The following PHC2 variants were observed in gnomAD, a reference collection of about 807,000 sequenced individuals.
PHC2 encodes the protein polyhomeotic homolog 2.
A neutral mutation model predicts 87.4 loss-of-function variants in PHC2; 29 were observed. The observed-to-expected ratio is 0.33, with a 90% CI of 0.25 to 0.45. The LOEUF is 0.45. Among genes scored for constraint, PHC2 ranks in the 20% least tolerant of loss-of-function variants. The pLI is 1.00. For synonymous variants in PHC2, 438 were observed against 461.7 expected, an observed-to-expected ratio of 0.95 and a Z score of 0.66; for missense variants, 857 against 1,136.7, an observed-to-expected ratio of 0.75 and a Z score of 3.54.
At chr1:33,407,623 C>T (rs577328002) in intron 1 of PHC2, among the ~76,000 whole-genome samples, 4 of 152,160 alleles carry the variant, frequency 2.6e-5, no homozygotes, top group Non-Finnish European at 4.4e-5. Flanking sequence ...TTACCCTGGG[C>T]AGGCTCTCAG....
rs1486388860 is a variant in PHC2, at chr1:33,349,743, T to A, written c.1558+4658A>T. The A allele has an allele frequency of 8.3e-5, 82 of 992,810 alleles. No individual in the cohort carries two copies. Among genetic ancestry groups the A allele is most frequent in the Non-Finnish European group, 9.7e-5 (81 of 834,310 alleles). The allele number at this position is 992,810 out of a possible 1,614,324, so 61.5% of individuals were successfully genotyped here. A position where few individuals can be genotyped will look rare whatever the true frequency, so the allele number is the denominator to read the frequency against. On this transcript the variant is annotated intron_variant, in intron 9 of 14. Coordinates refer to ENST00000683057, the MANE Select transcript of PHC2 (RefSeq NM_001385109.1). This position sits in a 1 kb window ranked among gnomAD's most constrained non-coding sequence, Gnocchi z 4.2. ...CGGGGCCCGGGGCTGCCGCGGCGCA[T>A]CCGACCGCACCGGCCTGGCCGGCGT...
In PHC2 at chr1:33,426,840, G is replaced by T. The variant is rs116043778; in HGVS notation, c.-55+4136C>A. 1.7e-3 allele frequency among the ~76,000 whole-genome samples: 264 copies of T among 152,218 alleles called. 1 individual carries two copies. Among genetic ancestry groups the T allele is most frequent in the African/African-American group, 6.2e-3 (257 of 41,504 alleles). ...ACAGATACCCTCAGGAGGTAGTACA[G>T]ATACCTTCAGGCAGAACTGGGTATA... is the stretch of plus-strand genomic sequence containing the variant. On this transcript the variant is annotated intron_variant, in intron 1 of 14. Coordinates refer to ENST00000683057, the MANE Select transcript of PHC2 (RefSeq NM_001385109.1).
At chr1:33,367,916 G>A (rs760839663) in intron 6 of PHC2, among the ~76,000 whole-genome samples, 10 of 152,168 alleles carry the variant, frequency 6.6e-5, no homozygotes, top group Non-Finnish European at 1.2e-4. Flanking sequence ...CAAGACGGCC[G>A]GCATGCTTAC....
intron 9 of PHC2, chr1:33,346,063 G>GT: frequency 2.0e-6 from 2 of 985,228 alleles, no homozygotes; most frequent in South Asian, 9.4e-5. Context: ...AAATCTATGT[G>GT]TTCAGACTCC....
chr1:33,402,368 A>G (rs1024265977), intron 1 of PHC2, among the ~76,000 whole-genome samples: 14 of 152,330 alleles, frequency 9.2e-5, no homozygotes, highest in Admixed American at 8.5e-4. Context: ...CACTTTAGAA[A>G]ACAGTTTGGT....
intron 1 of PHC2, among the ~76,000 whole-genome samples, chr1:33,415,120 A>G (rs937662380): frequency 2.6e-5 from 4 of 152,198 alleles, no homozygotes; most frequent in Non-Finnish European, 5.9e-5. Context: ...GATCTCACCG[A>G]GTCGAGGTGA....
chr1:33,350,761 AT>A (rs2148268610), intron 9 of PHC2, among the ~76,000 whole-genome samples: 1 of 150,410 alleles, frequency 6.6e-6, no homozygotes, highest in South Asian at 2.1e-4. Context: ...CTTTGTTTAC[AT>A]TTATTTTACA....
At position 33,349,860 on chromosome 1, in the gene PHC2, G is replaced by C. The variant is rs536766656; in HGVS notation, c.1558+4541C>G. On this transcript the variant is annotated intron_variant, in intron 9 of 14. Coordinates refer to ENST00000683057, the MANE Select transcript of PHC2 (RefSeq NM_001385109.1). The surrounding 1 kb of genome is among the most constrained non-coding windows in gnomAD (Gnocchi z 4.2). ...CGGCCGGGGTTGCGCGCGCGCGCGCGGCGGGCGCTCGAGGGCTGCAGCCGC... is the reference window on the plus strand; with the variant it reads ...CGGCCGGGGTTGCGCGCGCGCGCGCCGCGGGCGCTCGAGGGCTGCAGCCGC... 2.1e-6 allele frequency: 2 copies of C among 975,260 alleles called. No homozygotes were observed. Among genetic ancestry groups the C allele is most frequent in the Middle Eastern group, 5.2e-4 (1 of 1,924 alleles). The allele number at this position is 975,260 out of a possible 1,614,324, so 60.4% of individuals were successfully genotyped here.
At chr1:33,351,235 G>A (rs1297752941) in intron 9 of PHC2, among the ~76,000 whole-genome samples, 1 of 152,160 alleles carries the variant, frequency 6.6e-6, no homozygotes, top group African/African-American at 2.4e-5. Flanking sequence ...ATGGGCACTA[G>A]AATTGGAATT....
chr1:33,367,128 G>C lies in PHC2; in HGVS notation c.964C>G (p.Leu322Val), dbSNP rs1171755913. The change falls in exon 7 of 15, where the codon CTC becomes GTC. Residue 322 changes from leucine to valine, a missense_variant. Transcript: ENST00000683057. Reference sequence around the variant, plus strand: ...CTGAAGACCTTACCTGGTGCAATGAGGGGGTGGGCAGCCACAGCAGGAACC... The same window carrying C: ...CTGAAGACCTTACCTGGTGCAATGACGGGGTGGGCAGCCACAGCAGGAACC... ...RTVPAVAAHP[L>V]IAPAYAQLQP... is the part of the protein sequence containing the mutation. 1 of 1,605,840 alleles carries C rather than the reference G, an allele frequency of 6.2e-7. No individual in the cohort carries two copies. Among genetic ancestry groups the C allele is most frequent in the South Asian group, 1.1e-5 (1 of 90,540 alleles).
At chr1:33,404,181 A>G (rs1039703411) in intron 1 of PHC2, among the ~76,000 whole-genome samples, 2 of 152,176 alleles carry the variant, frequency 1.3e-5, no homozygotes, top group African/African-American at 4.8e-5. Flanking sequence ...TTCTTCTAAT[A>G]TTCCTTCTCA....
chr1:33,374,864 T>C (rs985964282), intron 2 of PHC2, among the ~76,000 whole-genome samples: 2 of 152,226 alleles, frequency 1.3e-5, no homozygotes, highest in South Asian at 2.1e-4. Flanking sequence ...CTTAGTACCA[T>C]GTCAGGCACA....
At chr1:33,327,164 C>T (rs763863501) in intron 14 of PHC2, among the ~76,000 whole-genome samples, 4 of 152,102 alleles carry the variant, frequency 2.6e-5, no homozygotes, top group South Asian at 2.1e-4. Context: ...AATGGATCAG[C>T]GACTCTTGTA....
In PHC2 at chr1:33,328,961, C is replaced by G; in HGVS notation, c.2334G>C (p.Arg778=). ...AGTGGTGTCCCATGCCCACCAGGTCCCGCATATGCATGTCGGGGAGCTCCA... is the reference window on the plus strand; with the variant it reads ...AGTGGTGTCCCATGCCCACCAGGTCGCGCATATGCATGTCGGGGAGCTCCA... ...RDLELPDMHM[R]DLVGMGHHFL... Residue 778 remains arginine (R), a synonymous_variant, in exon 14 of 15, where the codon CGG becomes CGC. Transcript: ENST00000683057. The G allele has an allele frequency of 6.2e-7, 1 of 1,614,190 alleles. No individual in the cohort carries two copies. Among genetic ancestry groups the G allele is most frequent in the Non-Finnish European group, 8.5e-7 (1 of 1,180,018 alleles).
chr1:33,377,524 C>A (rs1039718544), intron 1 of PHC2, among the ~76,000 whole-genome samples: 5 of 152,100 alleles, frequency 3.3e-5, no homozygotes, highest in African/African-American at 1.2e-4. Flanking sequence ...ACACCCAGAT[C>A]TGAGTTTAAG....
In PHC2 at chr1:33,349,815, C is replaced by T. The variant is rs1646927805; in HGVS notation, c.1558+4586G>A. On this transcript the variant is annotated intron_variant, in intron 9 of 14. Transcript: ENST00000683057. The surrounding 1 kb of genome is among the most constrained non-coding windows in gnomAD (Gnocchi z 4.2). ...CGAGGCCGGGACGGGGGCGCGAGGC[C>T]GGGGCGGGAGCGCGGGCGGCGGCCG... 5.1e-6 allele frequency: 5 copies of T among 976,292 alleles called. No individual in the cohort carries two copies. The highest frequency in any genetic ancestry group is 6.1e-6 in the Non-Finnish European group (5 of 824,662). 60.5% of individuals were successfully genotyped at this position (976,292 alleles called of 1,614,324 possible).
chr1:33,369,532 G>A lies in PHC2; in HGVS notation c.576+889C>T, dbSNP rs1200239317. Among the ~76,000 whole-genome samples the A allele has an allele frequency of 6.6e-6, 1 of 152,172 alleles. No homozygotes were observed. The highest frequency in any genetic ancestry group is 6.5e-5 in the Admixed American group (1 of 15,274). ...GATGGAAGTCTATTTCATGCCTTGT[G>A]TCTAAGAGGCTGTTCCCTGGGGATA... On this transcript the variant is annotated intron_variant, in intron 5 of 14. Transcript: ENST00000683057. The surrounding 1 kb of genome is among the most constrained non-coding windows in gnomAD (Gnocchi z 4.7).
In PHC2 at chr1:33,344,599, A is replaced by C. The variant is rs561485669; in HGVS notation, c.1558+9802T>G. On this transcript the variant is annotated intron_variant, in intron 9 of 14. Transcript: ENST00000683057. The stretch of plus-strand genomic sequence containing the variant: ...AGGCCTCAAAATATGGATTTAATCA[A>C]ATTTTTTTATTTTTTATTTTTTGAG... 5.3e-5 allele frequency among the ~76,000 whole-genome samples: 8 copies of C among 152,212 alleles called. No homozygotes were observed. In the East Asian group the frequency reaches 9.7e-4, roughly 18 times the overall value.
chr1:33,417,732 AAATT>A (rs1167247999), intron 1 of PHC2, among the ~76,000 whole-genome samples: 1 of 152,134 alleles, frequency 6.6e-6, no homozygotes, highest in Non-Finnish European at 1.5e-5. Flanking sequence ...GTAGATGTAA[AAATT>A]AATACATATA....
Sources: allele counts gnomAD v4.1 joint callset (sites outside exome capture counted in the v4.1 genomes callset), GRCh38; gene constraint gnomAD v4.1.1; non-coding constraint Gnocchi (gnomAD v3.1); transcripts MANE v1.5; gene names NCBI Gene and HGNC (gene_info 2026-07-23, HGNC 2026-07-21).